The following PHF2 variants were observed in gnomAD, a reference collection of about 807,000 sequenced individuals.
PHF2 encodes the protein lysine-specific demethylase PHF2.
Under a neutral mutation model 120.5 loss-of-function variants are expected in PHF2, and 27 were observed. That is an observed-to-expected ratio of 0.22 (90% CI 0.17 to 0.31). The LOEUF (loss-of-function observed/expected upper bound fraction) is 0.31, where lower values mean the gene tolerates loss of function less well. Ranked by LOEUF, PHF2 falls within the 10% of genes least tolerant of loss-of-function variation. PHF2 has a pLI of 1.00. For missense variants in PHF2, 1,024 were observed against 1,434.8 expected (o/e 0.71, Z 4.63); for synonymous variants, 568 against 592.5 (o/e 0.96, Z 0.60).
intron 5 of PHF2, among the ~76,000 whole-genome samples, 162 bp downstream of exon 5, chr9:93,649,374 C>CTTTTTTT (rs752368762): frequency 4.7e-5 from 5 of 105,828 alleles, no homozygotes; most frequent in African/African-American, 7.6e-5. Context: ...AAATTTTTTC[C>CTTTTTTT]TTTTTTTTTT....
chr9:93,650,654 A>C (rs1826353072), intron 5 of PHF2, among the ~76,000 whole-genome samples: 1 of 152,258 alleles, frequency 6.6e-6, no homozygotes, highest in South Asian at 2.1e-4. Context: ...CTGGCCCTGC[A>C]CTTTGTGGCT....
At position 93,676,482 on chromosome 9, in the gene PHF2, G is replaced by C; in HGVS notation, c.2833-112G>C. The C allele has an allele frequency of 1.0e-5, 14 of 1,333,850 alleles. No homozygotes were observed. In the South Asian group the frequency reaches 2.1e-4, roughly 20 times the overall value. 82.6% of individuals were successfully genotyped at this position (1,333,850 alleles called of 1,614,324 possible). A position where few individuals can be genotyped will look rare whatever the true frequency, so the allele number is the denominator to read the frequency against. On this transcript the variant is annotated intron_variant, in intron 20 of 21. Transcript: ENST00000359246. ...CAGAGTCAGGCCTCAGGCCCCTGCT[G>C]CCCAGCCCTGCTGTGCTCAAGGGCC...
intron 1 of PHF2, among the ~76,000 whole-genome samples, chr9:93,593,904 C>T (rs1825281567): frequency 6.6e-6 from 1 of 152,192 alleles, no homozygotes; most frequent in African/African-American, 2.4e-5. Context: ...CACTTTTGTA[C>T]TTTTCTGTAC....
chr9:93,605,281 G>T (rs759005673), intron 1 of PHF2, among the ~76,000 whole-genome samples: 1 of 152,142 alleles, frequency 6.6e-6, no homozygotes. Context: ...GCAGTGGTGT[G>T]ATTAGAGCTC....
rs188620813 is a variant in PHF2 at position 93,647,614 on chromosome 9, G to C, written c.461-1457G>C. ...GTATTTTAAAAGGAATTCTGATCAG[G>C]CATGGTAGCTCACGCCTGTAATCCC... On this transcript the variant is annotated intron_variant, in intron 4 of 21. Coordinates refer to ENST00000359246, the MANE Select transcript of PHF2 (RefSeq NM_005392.4). 3.4e-3 allele frequency among the ~76,000 whole-genome samples: 521 copies of C among 152,258 alleles called. 1 individual carries two copies. Among genetic ancestry groups the C allele is most frequent in the African/African-American group, 0.012 (494 of 41,544 alleles).
chr9:93,617,815 G>C (rs1450907009), intron 1 of PHF2, among the ~76,000 whole-genome samples: 1 of 152,180 alleles, frequency 6.6e-6, no homozygotes, highest in Non-Finnish European at 1.5e-5. Context: ...TAGGCTGGGA[G>C]GCTAGGCCAA....
chr9:93,600,926 C>G (rs1307966356), intron 1 of PHF2, among the ~76,000 whole-genome samples: 2 of 152,216 alleles, frequency 1.3e-5, no homozygotes, highest in Non-Finnish European at 2.9e-5. Flanking sequence ...GCTTGTCCAC[C>G]ACATTCAAGG....
chr9:93,674,472 A>G (rs1001412346), intron 18 of PHF2, among the ~76,000 whole-genome samples: 6 of 152,068 alleles, frequency 3.9e-5, no homozygotes, highest in Admixed American at 3.9e-4. Flanking sequence ...TGGAGCCTCA[A>G]AGTGTTTCTC....
chr9:93,662,847 C>T, intron 12 of PHF2, 60 bp from the exon 13 acceptor site: 2 of 1,599,576 alleles, frequency 1.3e-6, no homozygotes, highest in South Asian at 1.1e-5. Context: ...ATCTGTGGCT[C>T]AAGAGAGTTC....
intron 6 of PHF2, among the ~76,000 whole-genome samples, chr9:93,653,728 G>A (rs534017829): frequency 1.3e-5 from 2 of 152,328 alleles, no homozygotes; most frequent in East Asian, 3.9e-4. Flanking sequence ...GCAGGAGAGG[G>A]GCATCTGAGT....
At chr9:93,650,629 C>G (rs1452441511) in intron 5 of PHF2, among the ~76,000 whole-genome samples, 1 of 152,222 alleles carries the variant, frequency 6.6e-6, no homozygotes, top group African/African-American at 2.4e-5. Flanking sequence ...GCCTGGCTTC[C>G]TGGTGGCAGA....
At chr9:93,616,008 GA>G (rs1484118805) in intron 1 of PHF2, among the ~76,000 whole-genome samples, 4 of 152,230 alleles carry the variant, frequency 2.6e-5, no homozygotes, top group African/African-American at 9.6e-5. Flanking sequence ...GAAACCGCAG[GA>G]AAGTATAAGG....
intron 1 of PHF2, among the ~76,000 whole-genome samples, chr9:93,592,783 C>T (rs1396003952): frequency 1.3e-5 from 2 of 152,134 alleles, no homozygotes; most frequent in Non-Finnish European, 1.5e-5. Flanking sequence ...TCAGGAGCTG[C>T]AGACAGAGGG....
intron 1 of PHF2, among the ~76,000 whole-genome samples, chr9:93,585,881 G>A (rs149851368): frequency 0.016 from 2,482 of 152,344 alleles, 47 homozygotes; most frequent in Middle Eastern, 0.037. Context: ...AACCAGGAAC[G>A]TGGGGCCTGG....
chr9:93,663,767 T>TCACACA (rs56951431), intron 14 of PHF2, 132 bp downstream of exon 14: 15 of 572,932 alleles, frequency 2.6e-5, no homozygotes, highest in African/African-American at 7.5e-5. Context: ...ACTCTGCATC[T>TCACACA]CACACACACC....
chr9:93,663,631 C>T lies in PHF2; in HGVS notation c.1933C>T (p.Leu645Phe), dbSNP rs757395603. 2.5e-6 allele frequency: 4 copies of T among 1,602,594 alleles called. No homozygotes were observed. Among genetic ancestry groups the T allele is most frequent in the Non-Finnish European group, 3.4e-6 (4 of 1,171,016 alleles). The change falls in exon 14 of 22, where the codon CTC (leucine) becomes TTC (phenylalanine). Residue 645 changes from leucine (L) to phenylalanine (F), a missense_variant. By Grantham distance (22) the Leu-to-Phe change is conservative. Transcript: ENST00000359246. ...TTTTTCTTTCTCCAACAAGAAACTC[C>T]TCGGGTATGTGAGTGCCTGGATGGG... ...FSFSFSNKKL[L>F]GSKALRPPTS... is the part of the protein sequence containing the mutation.
At chr9:93,645,484 A>C in intron 3 of PHF2, 145 bp from the exon 4 acceptor site, 2 of 782,158 alleles carry the variant, frequency 2.6e-6, no homozygotes, top group African/African-American at 3.5e-5. Context: ...CATTTGTGGC[A>C]CCACGGCCAG....
intron 1 of PHF2, among the ~76,000 whole-genome samples, chr9:93,601,185 T>C (rs1458529453): frequency 6.6e-6 from 1 of 152,232 alleles, no homozygotes; most frequent in Non-Finnish European, 1.5e-5. Context: ...TACAGAGCTT[T>C]GCATTCCCAT....
chr9:93,599,604 A>T (rs1825397962), intron 1 of PHF2, among the ~76,000 whole-genome samples: 1 of 152,238 alleles, frequency 6.6e-6, no homozygotes, highest in Admixed American at 6.5e-5. Flanking sequence ...CCGGTGAAGC[A>T]GCTCATGGGG....
Sources: allele counts gnomAD v4.1 joint callset (sites outside exome capture counted in the v4.1 genomes callset), GRCh38; gene constraint gnomAD v4.1.1; transcripts MANE v1.5; gene names NCBI Gene and HGNC (gene_info 2026-07-23, HGNC 2026-07-21).